ST3GAL6: variants seen among roughly 807,000 people sequenced by gnomAD.
The protein encoded by ST3GAL6 is type 2 lactosamine alpha-2,3-sialyltransferase.
Under a neutral mutation model 40.5 loss-of-function variants are expected in ST3GAL6, and 31 were observed. The observed-to-expected ratio is 0.77, with a 90% CI of 0.58 to 1.03. ST3GAL6 has a LOEUF of 1.03. Among genes scored for constraint, ST3GAL6 ranks in the 50% least tolerant of loss-of-function variants. The pLI, the probability that ST3GAL6 is intolerant of heterozygous loss-of-function variation, is 0.00. For synonymous variants in ST3GAL6, 129 were observed against 136.9 expected (o/e 0.94, Z 0.40); for missense variants, 357 against 393.2 (o/e 0.91, Z 0.78).
upstream of ST3GAL6, among the ~76,000 whole-genome samples, chr3:98,759,918 T>C (rs900098695): frequency 6.1e-4 from 93 of 152,000 alleles, no homozygotes; most frequent in Non-Finnish European, 1.6e-4. Context: ...TAATAGTAGA[T>C]GGAAGGATGA....
intron 1 of ST3GAL6, among the ~76,000 whole-genome samples, chr3:98,757,299 C>T (rs530664660): frequency 6.2e-4 from 94 of 152,268 alleles, no homozygotes; most frequent in African/African-American, 2.2e-3. Context: ...AATATGGACA[C>T]TCATAATGGT....
intron 1 of ST3GAL6, chr3:98,733,506 A>G: frequency 1.5e-5 from 15 of 986,836 alleles, no homozygotes; most frequent in Non-Finnish European, 1.7e-5. Flanking sequence ...TACCGTATAA[A>G]GTTTTTCGAG....
chr3:98,757,451 G>A (rs899412126), intron 1 of ST3GAL6, among the ~76,000 whole-genome samples: 2 of 152,198 alleles, frequency 1.3e-5, no homozygotes, highest in African/African-American at 4.8e-5. Flanking sequence ...CAAGGCTGGA[G>A]GTAGGGCTGG....
At chr3:98,752,220 G>A (rs1937058998) in intron 1 of ST3GAL6, among the ~76,000 whole-genome samples, 1 of 152,068 alleles carries the variant, frequency 6.6e-6, no homozygotes, top group Non-Finnish European at 1.5e-5. Flanking sequence ...AGCCAGTTAC[G>A]GGCATGGCTC....
intron 8 of ST3GAL6, among the ~76,000 whole-genome samples, chr3:98,790,202 TA>T (rs10706567): frequency 0.36 from 54,153 of 151,898 alleles, 9,740 homozygotes; most frequent in Non-Finnish European, 0.38. Flanking sequence ...GGTCTGTGTA[TA>T]TGCTGAAGGG....
At chr3:98,764,320 A>C (rs892229040) in intron 1 of ST3GAL6, among the ~76,000 whole-genome samples, 1 of 152,178 alleles carries the variant, frequency 6.6e-6, no homozygotes, top group African/African-American at 2.4e-5. Flanking sequence ...GTCTAAAAAA[A>C]AACCTGACAT....
In ST3GAL6 at chr3:98,757,807, A is replaced by G. The variant is rs140566202; in HGVS notation, c.-11-10623A>G. On this transcript the variant is annotated intron_variant, in intron 1 of 9. Coordinates refer to the ST3GAL6 transcript ENST00000265261. The stretch of plus-strand genomic sequence containing the variant: ...AAAGCATTTAAAACTGTTCTATCAC[A>G]TAAGCGTTTAGTTAATTTTAACTGC... 7.7e-3 allele frequency among the ~76,000 whole-genome samples: 1,169 copies of G among 152,020 alleles called. 14 individuals carry two copies. Among genetic ancestry groups the G allele is most frequent in the African/African-American group, 0.027 (1,119 of 41,486 alleles).
Position 98,793,778 on chromosome 3 carries a change from G to C in ST3GAL6, c.*17G>C. 4.0e-6 allele frequency: 6 copies of C among 1,507,984 alleles called. No homozygotes were observed. Among genetic ancestry groups the C allele is most frequent in the Non-Finnish European group, 4.5e-6 (5 of 1,103,272 alleles). 93.4% of individuals were successfully genotyped at this position (1,507,984 alleles called of 1,614,324 possible). A position where few individuals can be genotyped will look rare whatever the true frequency, so the allele number is the denominator to read the frequency against. Reference sequence around the variant, plus strand: ...CAAGATTGACTCTACAGACTCAGAAGATGATGCTAACAGTGTTAGTTTTAT... The same window carrying C: ...CAAGATTGACTCTACAGACTCAGAACATGATGCTAACAGTGTTAGTTTTAT... On this transcript the variant is annotated 3_prime_UTR_variant, in exon 10 of 10. Coordinates refer to ENST00000483910, the MANE Select transcript of ST3GAL6 (RefSeq NM_001323368.2).
intron 1 of ST3GAL6, chr3:98,756,607 C>G (rs1653085870): frequency 1.8e-6 from 2 of 1,117,368 alleles, no homozygotes; most frequent in Non-Finnish European, 1.1e-6. Context: ...TTGTAATGTT[C>G]TTATACAATG....
At chr3:98,740,570 C>G (rs1165501211) in intron 1 of ST3GAL6, among the ~76,000 whole-genome samples, 1 of 152,164 alleles carries the variant, frequency 6.6e-6, no homozygotes, top group Non-Finnish European at 1.5e-5. Flanking sequence ...TGTTCAGTTT[C>G]CAGCTTCATA....
chr3:98,734,144 A>C (rs1935318637), intron 1 of ST3GAL6, among the ~76,000 whole-genome samples: 1 of 152,110 alleles, frequency 6.6e-6, no homozygotes, highest in South Asian at 2.1e-4. Context: ...CCGGTCCTCA[A>C]TCTTCCTCAC....
At chr3:98,793,632 G>C in intron 9 of ST3GAL6, 43 bp from the exon 10 acceptor site, 1 of 1,340,820 alleles carries the variant, frequency 7.5e-7, no homozygotes, top group Non-Finnish European at 1.0e-6. Context: ...CTAATACTTT[G>C]AGATTGGGAA....
intron 5 of ST3GAL6, chr3:98,782,724 G>C: frequency 4.2e-6 from 2 of 476,838 alleles, no homozygotes; most frequent in Non-Finnish European, 8.2e-6. Context: ...GAGGCCAATG[G>C]CGTGTCCATA....
chr3:98,742,848 CCACCA>C (rs923335906), intron 1 of ST3GAL6, among the ~76,000 whole-genome samples: 1 of 151,734 alleles, frequency 6.6e-6, no homozygotes, highest in Non-Finnish European at 1.5e-5. Context: ...CAGGCATGTA[CCACCA>C]CACCTGGCTA....
At chr3:98,754,711 C>G (rs1267719943) in intron 1 of ST3GAL6, among the ~76,000 whole-genome samples, 1 of 152,170 alleles carries the variant, frequency 6.6e-6, no homozygotes, top group Non-Finnish European at 1.5e-5. Flanking sequence ...ATTGTCACAG[C>G]CACCCCAACC....
rs78970837 is a variant in ST3GAL6 at position 98,757,639 on chromosome 3, G to A, written c.-11-10791G>A. On this transcript the variant is annotated intron_variant, in intron 1 of 9. Transcript: ENST00000265261. ...GACTCTAGTACGTGCTTGGGTTCAAGTCCCAGCTCTGTCACTTTTGATTTG... is the reference window on the plus strand; with the variant it reads ...GACTCTAGTACGTGCTTGGGTTCAAATCCCAGCTCTGTCACTTTTGATTTG... Among the ~76,000 whole-genome samples, 592 of 152,316 alleles carry A rather than the reference G, an allele frequency of 3.9e-3. 4 individuals carry two copies. Among genetic ancestry groups the A allele is most frequent in the African/African-American group, 0.014 (572 of 41,564 alleles).
chr3:98,784,823 G>C, intron 5 of ST3GAL6, 122 bp from the exon 6 acceptor site: 1 of 711,256 alleles, frequency 1.4e-6, no homozygotes, highest in Non-Finnish European at 2.4e-6. Context: ...GTCGCAGTTG[G>C]TTCTTTTTCT....
At chr3:98,789,081 C>G (rs1358035841) in intron 8 of ST3GAL6, among the ~76,000 whole-genome samples, 1 of 152,212 alleles carries the variant, frequency 6.6e-6, no homozygotes, top group African/African-American at 2.4e-5. Flanking sequence ...AAACAATACT[C>G]TAGACCCATA....
chr3:98,732,487 CGGCGCCCGGCGAG>C (rs1935102361), exon 1 of ST3GAL6: 1 of 191,958 alleles, frequency 5.2e-6, no homozygotes, highest in African/African-American at 2.3e-5. Context: ...TTTCCGGTCC[CGGCGCCCGGCGAG>C]GGCGCGCGGC....
Sources: gnomAD v4.1 joint callset for allele counts (sites outside exome capture counted in the v4.1 genomes callset) on GRCh38, gnomAD v4.1.1 for gene constraint, MANE v1.5 for transcripts, NCBI Gene and HGNC (gene_info 2026-07-23, HGNC 2026-07-21) for gene names.